Variants in TRIM25 observed in about 807,000 individuals in gnomAD.
TRIM25 encodes E3 ubiquitin/ISG15 ligase TRIM25.
Under a neutral mutation model 65.2 loss-of-function variants are expected in TRIM25, and 45 were observed. That is an observed-to-expected ratio of 0.69 (90% CI 0.54 to 0.89). TRIM25 has a LOEUF of 0.89. Ranked by LOEUF, TRIM25 falls within the 40% of genes least tolerant of loss-of-function variation. The pLI, the probability that TRIM25 is intolerant of heterozygous loss-of-function variation, is 0.00. For missense variants in TRIM25, 714 were observed against 803.7 expected (o/e 0.89, Z 1.35); for synonymous variants, 321 against 340.4 (o/e 0.94, Z 0.63).
Position 56,905,350 on chromosome 17 carries a change from C to T in TRIM25, c.694-862G>A, listed in dbSNP as rs554915050. Among the ~76,000 whole-genome samples, 22 of 151,990 alleles carry T rather than the reference C, an allele frequency of 1.4e-4. No homozygotes were observed. The East Asian group carries it at 2.5e-3, about 17-fold the overall frequency. On this transcript the variant is annotated intron_variant, in intron 2 of 8. Transcript: ENST00000316881. ...CTGCACTCCAGCCTGGGAGACACAGCGAGACGCTATCTCAAAAAAATAAAA... is the reference window on the plus strand; with the variant it reads ...CTGCACTCCAGCCTGGGAGACACAGTGAGACGCTATCTCAAAAAAATAAAA...
chr17:56,899,056 A>G (rs1190343537), intron 5 of TRIM25, 59 bp downstream of exon 5: 8 of 1,600,262 alleles, frequency 5.0e-6, no homozygotes, highest in Admixed American at 1.7e-5. Flanking sequence ...TGACTTGGCC[A>G]GAGCCTGGGG....
At position 56,895,926 on chromosome 17, in the gene TRIM25, G is replaced by A. The variant is rs199572284; in HGVS notation, c.1180C>T (p.Pro394Ser). 92 of 1,612,612 alleles carry A rather than the reference G, an allele frequency of 5.7e-5. No homozygotes were observed. The highest frequency in any genetic ancestry group is 3.3e-4 in the South Asian group (30 of 90,496). The change falls in exon 6 of 9, where the codon CCC becomes TCC. Residue 394 changes from proline (P) to serine (S), a missense_variant and splice_region_variant. Physicochemically the swap from Pro to Ser is moderately conservative, Grantham distance 74 (BLOSUM62 -1). This residue lies in a region of TRIM25 where 413 missense variants were observed against 498.2 expected (regional missense o/e 0.83). Coordinates refer to ENST00000316881, the MANE Select transcript of TRIM25 (RefSeq NM_005082.5). The stretch of plus-strand genomic sequence containing the variant: ...ACAGTTGCAGAAATGCATAACTTAC[G>A]AGGTTTCTTGGATTTCTTTTCCTCT... ...SKEEKKSKKP[P>S]PVPALPSKLP...
rs777753853 is a variant in TRIM25, at chr17:56,901,537, G to A, written c.969C>T (p.Tyr323=). The A allele has an allele frequency of 2.5e-6, 4 of 1,614,062 alleles. No individual in the cohort carries two copies. The highest frequency in any genetic ancestry group is 1.3e-5 in the African/African-American group (1 of 74,918). The change falls in exon 4 of 9, where the codon TAC becomes TAT. Residue 323 remains tyrosine, a synonymous_variant. Transcript: ENST00000316881. Reference sequence around the variant, plus strand: ...TGTGGTTCAGTTCCACCTCGGGGATGTAGACTGGCTTTGTTGAGATTCCTC... The same window carrying A: ...TGTGGTTCAGTTCCACCTCGGGGATATAGACTGGCTTTGTTGAGATTCCTC... The part of the protein sequence containing the change: ...KLRGISTKPV[Y]IPEVELNHKL...
chr17:56,902,655 G>A (rs140011817), intron 3 of TRIM25, among the ~76,000 whole-genome samples: 15 of 152,312 alleles, frequency 9.8e-5, no homozygotes, highest in African/African-American at 2.6e-4. Context: ...TGGCACAGGC[G>A]GGGCCCAGTC....
chr17:56,907,975 AG>A (rs1421966309), intron 2 of TRIM25, among the ~76,000 whole-genome samples: 4 of 152,208 alleles, frequency 2.6e-5, no homozygotes, highest in East Asian at 3.9e-4. Flanking sequence ...GAAGCAAAGA[AG>A]GGTTCTCCCC....
Position 56,888,738 on chromosome 17 carries a change from A to C in TRIM25, c.*2962T>G, listed in dbSNP as rs1361666154. ...CTTATCAAAAGCTTCCCGAAGAGGAACTCTATATAGGGCAGGACTAAGTGT... is the reference window on the plus strand; with the variant it reads ...CTTATCAAAAGCTTCCCGAAGAGGACCTCTATATAGGGCAGGACTAAGTGT... On this transcript the variant is annotated 3_prime_UTR_variant, in exon 9 of 9. Transcript: ENST00000316881. 6.6e-6 allele frequency: 1 copy of C among 152,006 alleles called. No homozygotes were observed. Among genetic ancestry groups the C allele is most frequent in the Non-Finnish European group, 1.5e-5 (1 of 68,026 alleles). The allele number at this position is 152,006 out of a possible 1,614,324, so 9.4% of individuals were successfully genotyped here. A position where few individuals can be genotyped will look rare whatever the true frequency, so the allele number is the denominator to read the frequency against.
At chr17:56,900,039 C>G (rs1909378438) in intron 4 of TRIM25, among the ~76,000 whole-genome samples, 1 of 151,990 alleles carries the variant, frequency 6.6e-6, no homozygotes, top group African/African-American at 2.4e-5. Flanking sequence ...AGTAGTGAAA[C>G]CATGTCTCTA....
chr17:56,902,357 T>C (rs1909429431), intron 3 of TRIM25, among the ~76,000 whole-genome samples: 1 of 152,212 alleles, frequency 6.6e-6, no homozygotes, highest in Non-Finnish European at 1.5e-5. Flanking sequence ...TGCTATGTGC[T>C]GGTCAGATTG....
rs1436865870 is a variant in TRIM25, at chr17:56,913,791, G to A, written c.198C>T (p.Asn66=). ...VYQARPQLHK[N]TVLCNVVEQF... is the part of the protein sequence containing the mutation. ...GCTCCACCACGTTGCACAGCACCGTGTTCTTGTGCAGCTGCGGTCGCGCCT... is the reference window on the plus strand; with the variant it reads ...GCTCCACCACGTTGCACAGCACCGTATTCTTGTGCAGCTGCGGTCGCGCCT... Residue 66 remains asparagine (N), a synonymous_variant, in exon 1 of 9, where the codon AAC becomes AAT. Transcript: ENST00000316881. This position sits in a 1 kb window ranked among gnomAD's most constrained non-coding sequence, Gnocchi z 6.1. 3.2e-6 allele frequency: 5 copies of A among 1,560,946 alleles called. No homozygotes were observed. Among genetic ancestry groups the A allele is most frequent in the Non-Finnish European group, 4.3e-6 (5 of 1,153,986 alleles).
Position 56,890,468 on chromosome 17 carries a change from C to G in TRIM25, c.*1232G>C, listed in dbSNP as rs528318979. 6 of 390,132 alleles carry G rather than the reference C, an allele frequency of 1.5e-5. No homozygotes were observed. The highest frequency in any genetic ancestry group is 1.2e-4 in the African/African-American group (6 of 48,158). 24.2% of individuals were successfully genotyped at this position (390,132 alleles called of 1,614,324 possible). On this transcript the variant is annotated 3_prime_UTR_variant, in exon 9 of 9. Transcript: ENST00000316881. ...GGCTAGGGCCAGCCCCAGGCTCTGACTCACGCAAGGGCCAGTGCTGGGTCT... is the reference window on the plus strand; with the variant it reads ...GGCTAGGGCCAGCCCCAGGCTCTGAGTCACGCAAGGGCCAGTGCTGGGTCT...
chr17:56,906,945 CA>C (rs1398957799), intron 2 of TRIM25, among the ~76,000 whole-genome samples: 5 of 152,238 alleles, frequency 3.3e-5, no homozygotes, highest in African/African-American at 1.2e-4. Flanking sequence ...GCCTCCCCTG[CA>C]GCTAGACTAG....
rs1401435851 is a variant in TRIM25 at position 56,895,314 on chromosome 17, A to C, written c.1363+29T>G. On this transcript the variant is annotated intron_variant, in intron 8 of 8. Transcript: ENST00000316881. ...GGCGCAGGAGAGACAGAACCAGTGG[A>C]ACCGCGCACCAGCCCCGAAGCTACT... 5 of 1,584,594 alleles carry C rather than the reference A, an allele frequency of 3.2e-6. No homozygotes were observed. The Admixed American group carries it at 6.7e-5, about 21-fold the overall frequency.
chr17:56,913,233 C>G lies in TRIM25; in HGVS notation c.597+159G>C. On this transcript the variant is annotated intron_variant, in intron 1 of 8. Coordinates refer to ENST00000316881, the MANE Select transcript of TRIM25 (RefSeq NM_005082.5). The surrounding 1 kb of genome is among the most constrained non-coding windows in gnomAD (Gnocchi z 6.1). ...GGATGATGGGAAGGGACTATATAAT[C>G]TCCCATCCCCTTTCTACTCTGACAT... 1.7e-6 allele frequency: 1 copy of G among 579,628 alleles called. No homozygotes were observed. The highest frequency in any genetic ancestry group is 2.9e-6 in the Non-Finnish European group (1 of 345,760). 35.9% of individuals were successfully genotyped at this position (579,628 alleles called of 1,614,324 possible). A position where few individuals can be genotyped will look rare whatever the true frequency, so the allele number is the denominator to read the frequency against.
intron 7 of TRIM25, 23 bp downstream of exon 7, chr17:56,895,498 G>T (rs200852806): frequency 1.9e-6 from 3 of 1,613,974 alleles, no homozygotes; most frequent in South Asian, 2.2e-5. Context: ...ACACCCCAAA[G>T]CTCCTTGCCC....
intron 5 of TRIM25, among the ~76,000 whole-genome samples, chr17:56,897,937 G>A (rs1046144826): frequency 2.0e-5 from 3 of 152,086 alleles, no homozygotes; most frequent in Non-Finnish European, 2.9e-5. Context: ...TGTTCCATTC[G>A]GGGACCGATA....
intron 1 of TRIM25, among the ~76,000 whole-genome samples, chr17:56,909,987 G>T (rs1051729992): frequency 2.0e-5 from 3 of 152,058 alleles, no homozygotes; most frequent in Non-Finnish European, 4.4e-5. Context: ...CTTACTTAAA[G>T]CTAAGAACAA....
chr17:56,897,705 C>G (rs1343995907), intron 5 of TRIM25, among the ~76,000 whole-genome samples: 1 of 152,302 alleles, frequency 6.6e-6, no homozygotes, highest in African/African-American at 2.4e-5. Context: ...ACATGAGGAC[C>G]TCACCTCACT....
At position 56,888,580 on chromosome 17, in the gene TRIM25, C is replaced by T. The variant is rs1281061732; in HGVS notation, c.*3120G>A. ...ATGAATAATATAATGAACCCTCACA[C>T]CTCCATCCCTAGTAACTGATTATCC... On this transcript the variant is annotated 3_prime_UTR_variant, in exon 9 of 9. Transcript: ENST00000316881. 1 of 152,012 alleles carries T rather than the reference C, an allele frequency of 6.6e-6. No homozygotes were observed. The allele number at this position is 152,012 out of a possible 1,614,324, so 9.4% of individuals were successfully genotyped here. A position where few individuals can be genotyped will look rare whatever the true frequency, so the allele number is the denominator to read the frequency against.
Position 56,892,117 on chromosome 17 carries a change from G to A in TRIM25, c.1476C>T (p.Pro492=), listed in dbSNP as rs745429525. ...AEMPQNYRPH[P]QRFTYCSQVL... is the part of the protein sequence containing the mutation. ...CCTGAGAGCAGTATGTGAACCTCTG[G>A]GGATGCGGCCGGTAGTTCTGAGGCA... is the stretch of plus-strand genomic sequence containing the variant. Residue 492 remains proline, a synonymous_variant, in exon 9 of 9, where the codon CCC becomes CCT. Coordinates refer to ENST00000316881, the MANE Select transcript of TRIM25 (RefSeq NM_005082.5). 23 of 1,614,182 alleles carry A rather than the reference G, an allele frequency of 1.4e-5. No homozygotes were observed. Among genetic ancestry groups the A allele is most frequent in the Non-Finnish European group, 1.9e-5 (23 of 1,180,042 alleles).
Sources: allele counts gnomAD v4.1 joint callset (sites outside exome capture counted in the v4.1 genomes callset), GRCh38; gene constraint gnomAD v4.1.1; regional missense constraint gnomAD v4.1.1; non-coding constraint Gnocchi (gnomAD v3.1); transcripts MANE v1.5; gene names NCBI Gene and HGNC (gene_info 2026-07-23, HGNC 2026-07-21).